Variants in KCNH8 observed in about 807,000 individuals in gnomAD.
The protein encoded by KCNH8 is potassium voltage-gated channel subfamily H member 8, also known as voltage-gated delayed rectifier potassium channel KCNH8.
In KCNH8, 70 loss-of-function variants were observed where a neutral mutation model predicts 103.6. The observed-to-expected ratio is 0.68, with a 90% CI of 0.56 to 0.82. The LOEUF (loss-of-function observed/expected upper bound fraction) is 0.82. Ranked by LOEUF, KCNH8 falls within the 40% of genes least tolerant of loss-of-function variation. The pLI, the probability that KCNH8 is intolerant of heterozygous loss-of-function variation, is 0.00. For missense variants in KCNH8, 1,217 were observed against 1,329.9 expected, an observed-to-expected ratio of 0.92 and a Z score of 1.32; for synonymous variants, 498 against 489.4, an observed-to-expected ratio of 1.02 and a Z score of -0.23.
chr3:19,150,109 C>A (rs1445665165), intron 1 of KCNH8, among the ~76,000 whole-genome samples: 1 of 152,124 alleles, frequency 6.6e-6, no homozygotes, highest in Non-Finnish European at 1.5e-5. Flanking sequence ...TCTAGCCATT[C>A]TTTTCCCTTT....
At chr3:19,504,735 A>T (rs1190110866) in intron 11 of KCNH8, among the ~76,000 whole-genome samples, 1 of 152,138 alleles carries the variant, frequency 6.6e-6, no homozygotes, top group Non-Finnish European at 1.5e-5. Context: ...TGGGAGTGTA[A>T]ATTAGTTCAA....
intron 15 of KCNH8, among the ~76,000 whole-genome samples, chr3:19,521,907 TAAAAACCAGATG>T (rs2068977813): frequency 6.6e-6 from 1 of 151,866 alleles, no homozygotes; most frequent in Admixed American, 6.6e-5. Context: ...AAAATGATAA[TAAAAACCAGATG>T]GAAAATAACC....
At chr3:19,234,577 G>A (rs2064038200) in intron 1 of KCNH8, among the ~76,000 whole-genome samples, 1 of 152,204 alleles carries the variant, frequency 6.6e-6, no homozygotes, top group African/African-American at 2.4e-5. Flanking sequence ...ACTCCCGCTG[G>A]CCCGCAAGCA....
At chr3:19,400,809 T>C (rs889414715) in intron 7 of KCNH8, among the ~76,000 whole-genome samples, 4 of 151,744 alleles carry the variant, frequency 2.6e-5, no homozygotes, top group Non-Finnish European at 5.9e-5. Flanking sequence ...AAGCCTTTTG[T>C]AAGAAAAAAA....
intron 5 of KCNH8, among the ~76,000 whole-genome samples, chr3:19,352,364 A>G (rs2065815093): frequency 6.6e-6 from 1 of 152,168 alleles, no homozygotes; most frequent in Non-Finnish European, 1.5e-5. Flanking sequence ...AATTGAACTC[A>G]GCTCTGCACC....
intron 7 of KCNH8, among the ~76,000 whole-genome samples, chr3:19,416,835 C>T (rs2066870973): frequency 6.6e-6 from 1 of 152,148 alleles, no homozygotes; most frequent in African/African-American, 2.4e-5. Context: ...TTAAAAGAGA[C>T]TACTTTTTAA....
chr3:19,509,886 G>A (rs2068754378), intron 11 of KCNH8, among the ~76,000 whole-genome samples: 1 of 152,046 alleles, frequency 6.6e-6, no homozygotes, highest in Non-Finnish European at 1.5e-5. Context: ...TAGAAGTAAT[G>A]AGATTAAATA....
intron 5 of KCNH8, among the ~76,000 whole-genome samples, chr3:19,350,365 T>C (rs1194902899): frequency 6.6e-6 from 1 of 152,084 alleles, no homozygotes; most frequent in African/African-American, 2.4e-5. Flanking sequence ...GTCTGACAGC[T>C]TTGAAGAGAG....
chr3:19,424,364 A>C (rs769957470), intron 7 of KCNH8, among the ~76,000 whole-genome samples: 10 of 152,142 alleles, frequency 6.6e-5, no homozygotes, highest in Admixed American at 1.3e-4. Context: ...GTGGGGAAAG[A>C]ACAACCTATT....
chr3:19,395,591 G>C (rs1043354290), intron 7 of KCNH8, among the ~76,000 whole-genome samples: 3 of 151,964 alleles, frequency 2.0e-5, no homozygotes, highest in Non-Finnish European at 2.9e-5. Context: ...GATAAATAAT[G>C]TTCAATCTTA....
chr3:19,209,865 T>A (rs1053345859), intron 1 of KCNH8, among the ~76,000 whole-genome samples: 2 of 152,064 alleles, frequency 1.3e-5, no homozygotes, highest in Admixed American at 6.6e-5. Flanking sequence ...TTTTGAGTTA[T>A]CCTTCCTCAG....
At chr3:19,425,127 C>T (rs2067009417) in intron 7 of KCNH8, among the ~76,000 whole-genome samples, 1 of 152,184 alleles carries the variant, frequency 6.6e-6, no homozygotes, top group Non-Finnish European at 1.5e-5. Context: ...GTTAAATATA[C>T]TTCACATGAC....
chr3:19,237,808 T>C (rs1203074720), intron 1 of KCNH8, among the ~76,000 whole-genome samples: 2 of 152,300 alleles, frequency 1.3e-5, no homozygotes, highest in East Asian at 3.9e-4. Context: ...TGCACAAACG[T>C]GTGTATGTCT....
chr3:19,487,391 T>A (rs1266920552), intron 11 of KCNH8, among the ~76,000 whole-genome samples: 1 of 152,134 alleles, frequency 6.6e-6, no homozygotes, highest in Admixed American at 6.5e-5. Context: ...TGGCCGGTAG[T>A]CCTTTGTCCC....
intron 8 of KCNH8, among the ~76,000 whole-genome samples, chr3:19,440,350 C>T (rs74837719): frequency 0.061 from 9,232 of 152,156 alleles, 358 homozygotes; most frequent in Middle Eastern, 0.079. Flanking sequence ...TTAATTCTCA[C>T]ACTGCTAATG....
chr3:19,377,650 G>A (rs926172217), intron 5 of KCNH8, among the ~76,000 whole-genome samples: 1 of 152,168 alleles, frequency 6.6e-6, no homozygotes, highest in Non-Finnish European at 1.5e-5. Context: ...AGCTGCAAGA[G>A]TGGTATATAT....
chr3:19,336,179 G>T (rs931518148), intron 3 of KCNH8, among the ~76,000 whole-genome samples: 1 of 151,292 alleles, frequency 6.6e-6, no homozygotes, highest in African/African-American at 2.4e-5. Context: ...TACATTTTAG[G>T]TATTAATTTT....
At position 19,525,137 on chromosome 3, in the gene KCNH8, G is replaced by T. The variant is rs544867541; in HGVS notation, c.2619+7063G>T. ...CAGATATGCTAATAAGCTCAACTTA[G>T]TCATTCCACAATGTATACATATATC... On this transcript the variant is annotated intron_variant, in intron 15 of 15. Coordinates refer to ENST00000328405, the MANE Select transcript of KCNH8 (RefSeq NM_144633.3). Among the ~76,000 whole-genome samples the T allele has an allele frequency of 2.0e-5, 3 of 151,978 alleles. No homozygotes were observed. The East Asian group carries it at 5.8e-4, about 29-fold the overall frequency.
chr3:19,330,222 GTA>G (rs1411600480), intron 3 of KCNH8, among the ~76,000 whole-genome samples: 1 of 152,126 alleles, frequency 6.6e-6, no homozygotes, highest in Non-Finnish European at 1.5e-5. Context: ...TTGGCCAAAA[GTA>G]TGTTTTCTAG....
Sources: allele counts gnomAD v4.1 joint callset (sites outside exome capture counted in the v4.1 genomes callset), GRCh38; gene constraint gnomAD v4.1.1; transcripts MANE v1.5; gene names NCBI Gene and HGNC (gene_info 2026-07-23, HGNC 2026-07-21).